The following ABCB11 variants were observed in gnomAD, a reference collection of about 807,000 sequenced individuals.
ABCB11 encodes bile salt export pump.
A neutral mutation model predicts 148.0 loss-of-function variants in ABCB11; 95 were observed. The ratio of observed to expected loss-of-function variants is 0.64; its 90% confidence interval spans 0.54 to 0.76. The LOEUF is 0.76. Ranked by LOEUF, ABCB11 falls within the 30% of genes least tolerant of loss-of-function variation. The pLI is 0.00. For synonymous variants in ABCB11, 591 were observed against 555.4 expected (o/e 1.06, Z -0.90); for missense variants, 1,523 against 1,617.8 (o/e 0.94, Z 1.01).
chr2:168,936,497 A>T, intron 21 of ABCB11, 64 bp from the exon 22 acceptor site: 1 of 1,494,602 alleles, frequency 6.7e-7, no homozygotes, highest in South Asian at 1.1e-5. Flanking sequence ...TTACCATTAC[A>T]CAAAAAGGTC....
intron 5 of ABCB11, among the ~76,000 whole-genome samples, chr2:169,008,047 C>G (rs773638841): frequency 3.3e-5 from 5 of 152,112 alleles, no homozygotes; most frequent in Non-Finnish European, 7.3e-5. Flanking sequence ...GTGCAAATGG[C>G]CAACAAGCAC....
At chr2:168,930,186 G>A (rs1648904075) in intron 25 of ABCB11, among the ~76,000 whole-genome samples, 1 of 152,154 alleles carries the variant, frequency 6.6e-6, no homozygotes, top group South Asian at 2.1e-4. Flanking sequence ...AAGATTTATG[G>A]TACATGGCTC....
intron 18 of ABCB11, among the ~76,000 whole-genome samples, chr2:168,958,876 G>A (rs1054118449): frequency 6.6e-6 from 1 of 151,644 alleles, no homozygotes; most frequent in Non-Finnish European, 1.5e-5. Flanking sequence ...GGTCTTAAGC[G>A]TAATTAATTC....
At chr2:168,930,986 A>G (rs1186399694) in intron 24 of ABCB11, 124 bp from the exon 25 acceptor site, 2 of 800,300 alleles carry the variant, frequency 2.5e-6, no homozygotes, top group Admixed American at 2.5e-5. Context: ...CCAAAGTGCA[A>G]AGTATAAAGA....
chr2:169,004,201 T>A (rs1489519492), intron 5 of ABCB11, among the ~76,000 whole-genome samples: 1 of 152,208 alleles, frequency 6.6e-6, no homozygotes, highest in Non-Finnish European at 1.5e-5. Flanking sequence ...TCTACATCCC[T>A]AGACAAAAGA....
intron 12 of ABCB11, 77 bp downstream of exon 12, chr2:168,976,500 T>C: frequency 1.2e-6 from 1 of 829,164 alleles, no homozygotes; most frequent in Non-Finnish European, 1.8e-6. Context: ...CTTCAGAAAA[T>C]GAGCAATTTG....
downstream of ABCB11, among the ~76,000 whole-genome samples, chr2:168,916,605 C>T (rs1690945784): frequency 6.6e-6 from 1 of 152,122 alleles, no homozygotes; most frequent in South Asian, 2.1e-4. Flanking sequence ...TTTAATTGAA[C>T]CCAGTGTGAA....
chr2:169,006,038 C>T (rs1344962568), intron 5 of ABCB11, among the ~76,000 whole-genome samples: 1 of 152,032 alleles, frequency 6.6e-6, no homozygotes, highest in Non-Finnish European at 1.5e-5. Flanking sequence ...GGAACACTGC[C>T]AAACTATCAG....
chr2:168,964,155 T>G, intron 18 of ABCB11, 51 bp downstream of exon 18: 1 of 1,373,294 alleles, frequency 7.3e-7, no homozygotes, highest in Non-Finnish European at 1.0e-6. Context: ...TACCCAACAG[T>G]CCCCAGGAGA....
At chr2:168,995,618 A>AGTTC in intron 6 of ABCB11, 136 bp from the exon 7 acceptor site, 1 of 908,908 alleles carries the variant, frequency 1.1e-6, no homozygotes, top group Non-Finnish European at 1.6e-6. Context: ...CTTCTTGGGA[A>AGTTC]CTAAGATGTG....
intron 15 of ABCB11, among the ~76,000 whole-genome samples, 165 bp downstream of exon 15, chr2:168,969,880 G>A (rs543845680): frequency 1.3e-5 from 2 of 152,136 alleles, no homozygotes; most frequent in African/African-American, 4.8e-5. Flanking sequence ...TCAACTGTGA[G>A]GAAGATTGTA....
chr2:169,018,222 C>A, intron 1 of ABCB11, 70 bp from the exon 2 acceptor site: 1 of 1,389,932 alleles, frequency 7.2e-7, no homozygotes, highest in Admixed American at 1.9e-5. Flanking sequence ...AGTAGCCAAA[C>A]GAAAGAACAA....
rs11902627 is a variant in ABCB11, at chr2:169,013,182, G to C, written c.389+90C>G. The C allele has an allele frequency of 5.8e-3, 5,561 of 964,374 alleles. 210 individuals carry two copies. The African/African-American group carries it at 0.078, about 14-fold the overall frequency. The allele number at this position is 964,374 out of a possible 1,614,324, so 59.7% of individuals were successfully genotyped here. ...TCTCTTTGTGTTAGATACCACTCCAGCTCAGCCAGTAAAATCCCCTCTATA... is the reference window on the plus strand; with the variant it reads ...TCTCTTTGTGTTAGATACCACTCCACCTCAGCCAGTAAAATCCCCTCTATA... On this transcript the variant is annotated intron_variant, in intron 5 of 27. Coordinates refer to ENST00000650372, the MANE Select transcript of ABCB11 (RefSeq NM_003742.4).
intron 2 of ABCB11, 49 bp downstream of exon 2, chr2:169,018,001 T>C (rs764229682): frequency 6.6e-7 from 1 of 1,508,488 alleles, no homozygotes; most frequent in South Asian, 1.1e-5. Context: ...CCTACTTTTG[T>C]TCTCACCTCT....
chr2:169,025,720 TA>T (rs1317263463), intron 1 of ABCB11, among the ~76,000 whole-genome samples: 4 of 152,242 alleles, frequency 2.6e-5, no homozygotes, highest in Non-Finnish European at 5.9e-5. Flanking sequence ...AGTTACATTC[TA>T]AAAGGCAAAA....
chr2:168,978,559 C>A (rs549009574), intron 11 of ABCB11, among the ~76,000 whole-genome samples: 1 of 152,030 alleles, frequency 6.6e-6, no homozygotes, highest in Non-Finnish European at 1.5e-5. Flanking sequence ...CACTGTTTGG[C>A]GAAAGAGTAT....
intron 4 of ABCB11, among the ~76,000 whole-genome samples, chr2:169,014,033 A>G (rs1695277518): frequency 6.6e-6 from 1 of 152,186 alleles, no homozygotes; most frequent in Non-Finnish European, 1.5e-5. Flanking sequence ...GATTGTTGTG[A>G]TGACTTTCCT....
intron 3 of ABCB11, among the ~76,000 whole-genome samples, chr2:169,014,760 T>C (rs534935296): frequency 6.6e-6 from 1 of 152,318 alleles, no homozygotes; most frequent in East Asian, 1.9e-4. Context: ...TTAAAAATAT[T>C]ACAACTACAT....
downstream of ABCB11, among the ~76,000 whole-genome samples, chr2:168,917,858 T>C (rs1204001808): frequency 6.6e-6 from 1 of 152,186 alleles, no homozygotes; most frequent in African/African-American, 2.4e-5. Context: ...AGAACAGACG[T>C]TGACATAAGG....
Sources: gnomAD v4.1 joint callset for allele counts (sites outside exome capture counted in the v4.1 genomes callset) on GRCh38, gnomAD v4.1.1 for gene constraint, MANE v1.5 for transcripts, NCBI Gene and HGNC (gene_info 2026-07-23, HGNC 2026-07-21) for gene names.